The following GPC5 variants were observed in gnomAD, a reference collection of about 807,000 sequenced individuals.
GPC5 encodes the protein glypican-5.
A neutral mutation model predicts 53.9 loss-of-function variants in GPC5; 47 were observed. The observed-to-expected ratio is 0.87, with a 90% CI of 0.69 to 1.11. The LOEUF (loss-of-function observed/expected upper bound fraction) is 1.11. Ranked by LOEUF, GPC5 falls within the 50% of genes most tolerant of loss-of-function variation. The pLI is 0.00. For missense variants in GPC5, 748 were observed against 713.1 expected (o/e 1.05, Z -0.56); for synonymous variants, 286 against 263.3 (o/e 1.09, Z -0.84).
intron 7 of GPC5, among the ~76,000 whole-genome samples, chr13:92,264,723 T>C (rs1266271454): frequency 1.3e-5 from 2 of 152,066 alleles, no homozygotes. Context: ...TAATTTCCAA[T>C]AATATGGATT....
chr13:91,587,823 G>A (rs536661357), intron 2 of GPC5, among the ~76,000 whole-genome samples: 64 of 152,296 alleles, frequency 4.2e-4, no homozygotes, highest in African/African-American at 1.5e-3. Flanking sequence ...ATGAAAGAGA[G>A]TTTTATGGTT....
chr13:92,314,522 T>C (rs1273423324), intron 7 of GPC5, among the ~76,000 whole-genome samples: 1 of 152,324 alleles, frequency 6.6e-6, no homozygotes, highest in East Asian at 1.9e-4. Context: ...TTTTCTTTGA[T>C]TAATTAAACA....
chr13:92,213,357 C>G (rs1159919917), intron 7 of GPC5, among the ~76,000 whole-genome samples: 1 of 152,062 alleles, frequency 6.6e-6, no homozygotes, highest in Non-Finnish European at 1.5e-5. Context: ...CAATAACTTG[C>G]AGTGACTAGA....
intron 6 of GPC5, among the ~76,000 whole-genome samples, chr13:92,033,308 A>G (rs2040868344): frequency 6.6e-6 from 1 of 152,172 alleles, no homozygotes; most frequent in Non-Finnish European, 1.5e-5. Flanking sequence ...AAAAAATCTC[A>G]GAGACATGTA....
intron 1 of GPC5, among the ~76,000 whole-genome samples, chr13:91,426,470 C>A (rs1879058246): frequency 6.6e-6 from 1 of 152,040 alleles, no homozygotes; most frequent in Admixed American, 6.6e-5. Flanking sequence ...AGGTGAAGTC[C>A]CACAGTAGGC....
At chr13:92,645,301 T>C (rs1264234811) in intron 7 of GPC5, among the ~76,000 whole-genome samples, 1 of 152,114 alleles carries the variant, frequency 6.6e-6, no homozygotes, top group African/African-American at 2.4e-5. Context: ...CCCACCACCA[T>C]GCCTGGCTAA....
chr13:91,819,680 T>C (rs1401273278), intron 5 of GPC5, among the ~76,000 whole-genome samples: 2 of 152,212 alleles, frequency 1.3e-5, no homozygotes, highest in African/African-American at 2.4e-5. Flanking sequence ...TGTTTTCACA[T>C]TGGGGCTATT....
intron 7 of GPC5, among the ~76,000 whole-genome samples, chr13:92,496,710 A>T (rs1316059929): frequency 6.6e-6 from 1 of 152,208 alleles, no homozygotes; most frequent in Admixed American, 6.5e-5. Context: ...CCAGGACAGG[A>T]AATACACAGC....
At chr13:92,026,606 T>G (rs2040803096) in intron 6 of GPC5, among the ~76,000 whole-genome samples, 1 of 151,950 alleles carries the variant, frequency 6.6e-6, no homozygotes. Context: ...TATAATTGAA[T>G]TATATTGATA....
At chr13:92,020,592 G>C (rs2060123891) in intron 6 of GPC5, among the ~76,000 whole-genome samples, 1 of 151,416 alleles carries the variant, frequency 6.6e-6, no homozygotes, top group African/African-American at 2.4e-5. Flanking sequence ...ATATACCTGA[G>C]CATTCTATTT....
At chr13:92,561,860 G>T (rs1187792449) in intron 7 of GPC5, among the ~76,000 whole-genome samples, 1 of 152,092 alleles carries the variant, frequency 6.6e-6, no homozygotes, top group African/African-American at 2.4e-5. Flanking sequence ...AGGAGATAAA[G>T]TTGTGGATAT....
rs759211156 is a variant in GPC5 at position 92,766,603 on chromosome 13, A to T, written c.1562-99679A>T. ...AGAAAGATATAAGCAGAAACTTTGT[A>T]TCCCAGGCAATTAGCTGTTATCAGA... On this transcript the variant is annotated intron_variant, in intron 7 of 7. Transcript: ENST00000377067. 2.6e-5 allele frequency among the ~76,000 whole-genome samples: 4 copies of T among 152,334 alleles called. No individual in the cohort carries two copies. In the East Asian group the frequency reaches 7.7e-4, roughly 29 times the overall value.
rs143942481 is a variant in GPC5 at position 92,645,185 on chromosome 13, G to T, written c.1562-221097G>T. Among the ~76,000 whole-genome samples, 204 of 152,116 alleles carry T rather than the reference G, an allele frequency of 1.3e-3. 3 individuals carry two copies. The East Asian group carries it at 0.033, about 24-fold the overall frequency. On this transcript the variant is annotated intron_variant, in intron 7 of 7. Coordinates refer to ENST00000377067, the MANE Select transcript of GPC5 (RefSeq NM_004466.6). ...CCTTTCTACCATGCCTAGCTTCTGGGCCCAGGCTGGAGTGCAGTGGCATGA... is the reference window on the plus strand; with the variant it reads ...CCTTTCTACCATGCCTAGCTTCTGGTCCCAGGCTGGAGTGCAGTGGCATGA...
intron 2 of GPC5, among the ~76,000 whole-genome samples, chr13:91,500,591 A>G (rs73602374): frequency 0.012 from 1,869 of 152,318 alleles, 41 homozygotes; most frequent in African/African-American, 0.041. Context: ...TTTTGAGGTT[A>G]TCTTTGGAGC....
chr13:92,617,841 C>CT (rs1288919699), intron 7 of GPC5, among the ~76,000 whole-genome samples: 5 of 151,966 alleles, frequency 3.3e-5, no homozygotes, highest in East Asian at 3.8e-4. Flanking sequence ...CTTTTTTCTT[C>CT]TTTTTTTATT....
intron 7 of GPC5, among the ~76,000 whole-genome samples, chr13:92,261,079 C>A (rs947473876): frequency 3.3e-5 from 5 of 151,998 alleles, no homozygotes; most frequent in African/African-American, 1.2e-4. Flanking sequence ...ACATTATAAC[C>A]ATGTTGTAAG....
chr13:92,294,105 T>A (rs1338219800), intron 7 of GPC5, among the ~76,000 whole-genome samples: 1 of 152,200 alleles, frequency 6.6e-6, no homozygotes, highest in Non-Finnish European at 1.5e-5. Context: ...AGTATTTTGT[T>A]AAGGATTTTA....
chr13:92,199,690 G>A (rs2042280986), intron 7 of GPC5, among the ~76,000 whole-genome samples: 1 of 152,124 alleles, frequency 6.6e-6, no homozygotes, highest in Admixed American at 6.6e-5. Context: ...ATTAGAATTG[G>A]ATCTATCCTG....
chr13:92,144,357 T>G (rs1482949883), intron 6 of GPC5, among the ~76,000 whole-genome samples: 1 of 152,202 alleles, frequency 6.6e-6, no homozygotes, highest in Non-Finnish European at 1.5e-5. Context: ...ACTATAAATG[T>G]ATATGTCTAA....
Sources: gnomAD v4.1 joint callset for allele counts (sites outside exome capture counted in the v4.1 genomes callset) on GRCh38, gnomAD v4.1.1 for gene constraint, MANE v1.5 for transcripts, NCBI Gene and HGNC (gene_info 2026-07-23, HGNC 2026-07-21) for gene names.